TERT: variants seen among roughly 807,000 people sequenced by gnomAD.
TERT encodes the protein telomerase reverse transcriptase.
Under a neutral mutation model 104.0 loss-of-function variants are expected in TERT, and 42 were observed. The observed-to-expected ratio is 0.40, with a 90% CI of 0.32 to 0.52. The LOEUF is 0.52. TERT is among the 20% of genes least tolerant of loss of function. The pLI is 0.43. For synonymous variants in TERT, 781 were observed against 725.6 expected (o/e 1.08, Z -1.23); for missense variants, 1,101 against 1,610.3 (o/e 0.68, Z 5.41).
rs760246680 is a variant in TERT, at chr5:1,282,416, G to A, written c.1769+13C>T. Reference sequence around the variant, plus strand: ...ACTTCGAGAAGCAGAGGCCTGGCGTGGGGATACAGTACCTGATTCCAATGC... The same window carrying A: ...ACTTCGAGAAGCAGAGGCCTGGCGTAGGGATACAGTACCTGATTCCAATGC... On this transcript the variant is annotated intron_variant, in intron 3 of 15. Transcript: ENST00000310581. 33 of 1,612,310 alleles carry A rather than the reference G, an allele frequency of 2.0e-5. 1 individual carries two copies. The South Asian group carries it at 2.1e-4, about 10-fold the overall frequency.
chr5:1,271,073 C>A (rs749726251), intron 8 of TERT, 46 bp downstream of exon 8: 2 of 1,500,964 alleles, frequency 1.3e-6, no homozygotes, highest in Non-Finnish European at 1.9e-6. Context: ...CCCTGCCAGC[C>A]CGCCCAGCCA....
rs1162749272 is a variant in TERT at position 1,288,695 on chromosome 5, T to C, written c.1573+4618A>G. Among the ~76,000 whole-genome samples the C allele has an allele frequency of 6.6e-6, 1 of 152,156 alleles. No homozygotes were observed. The highest frequency in any genetic ancestry group is 1.5e-5 in the Non-Finnish European group (1 of 68,024). ...CCTTCAGGGCACAGAGAACCCTTTCTGGGATGTCTCCAGCAACACGTGGCA... is the reference window on the plus strand; with the variant it reads ...CCTTCAGGGCACAGAGAACCCTTTCCGGGATGTCTCCAGCAACACGTGGCA... On this transcript the variant is annotated intron_variant, in intron 2 of 15. Transcript: ENST00000310581. The surrounding 1 kb of genome is among the most constrained non-coding windows in gnomAD (Gnocchi z 5.3).
rs2126608677 is a variant in TERT, at chr5:1,268,996, T to G, written c.2469-363A>C. On this transcript the variant is annotated intron_variant, in intron 8 of 15. Coordinates refer to ENST00000310581, the MANE Select transcript of TERT (RefSeq NM_198253.3). This position sits in a 1 kb window ranked among gnomAD's most constrained non-coding sequence, Gnocchi z 5.5. ...ACTCCTTTTTTTTTTTTCAAGGAATTTGTCCACGGTGAAAGACTCATGACC... is the reference window on the plus strand; with the variant it reads ...ACTCCTTTTTTTTTTTTCAAGGAATGTGTCCACGGTGAAAGACTCATGACC... 6.6e-6 allele frequency among the ~76,000 whole-genome samples: 1 copy of G among 151,906 alleles called. No homozygotes were observed. Among genetic ancestry groups the G allele is most frequent in the East Asian group, 1.9e-4 (1 of 5,172 alleles).
chr5:1,273,174 G>A (rs112241212), intron 6 of TERT, among the ~76,000 whole-genome samples: 12 of 5,156 alleles, frequency 2.3e-3, no homozygotes, highest in South Asian at 0.015. Flanking sequence ...CCCCACGACC[G>A]CCATCCACAG....
At position 1,270,849 on chromosome 5, in the gene TERT, G is replaced by A. The variant is rs1272509903; in HGVS notation, c.2468+270C>T. Among the ~76,000 whole-genome samples, 1 of 152,162 alleles carries A rather than the reference G, an allele frequency of 6.6e-6. No homozygotes were observed. Among genetic ancestry groups the A allele is most frequent in the Non-Finnish European group, 1.5e-5 (1 of 68,032 alleles). ...GACCCAGACACACCCCCCGCCCCTCGTCCTCCACGCAGGAGCAACTCCACA... is the reference window on the plus strand; with the variant it reads ...GACCCAGACACACCCCCCGCCCCTCATCCTCCACGCAGGAGCAACTCCACA... On this transcript the variant is annotated intron_variant, in intron 8 of 15. Coordinates refer to ENST00000310581, the MANE Select transcript of TERT (RefSeq NM_198253.3). The surrounding 1 kb of genome is among the most constrained non-coding windows in gnomAD (Gnocchi z 8.3).
In TERT at chr5:1,262,649, C is replaced by T. The variant is rs971836101; in HGVS notation, c.2843+1755G>A. On this transcript the variant is annotated intron_variant, in intron 11 of 15. Transcript: ENST00000310581. The surrounding 1 kb of genome is among the most constrained non-coding windows in gnomAD (Gnocchi z 5.6). ...GAGCACAGAATATTCTGGCATTGGA[C>T]CCACATCTGATGACCTGATGCCCAC... Among the ~76,000 whole-genome samples, 1 of 152,290 alleles carries T rather than the reference C, an allele frequency of 6.6e-6. No individual in the cohort carries two copies. Among genetic ancestry groups the T allele is most frequent in the Non-Finnish European group, 1.5e-5 (1 of 68,026 alleles).
chr5:1,274,125 G>C lies in TERT; in HGVS notation c.2287-1845C>G, dbSNP rs187032338. Among the ~76,000 whole-genome samples, 1,653 of 152,320 alleles carry C rather than the reference G, an allele frequency of 0.011. 30 individuals are homozygous for C. Among genetic ancestry groups the C allele is most frequent in the African/African-American group, 0.038 (1,573 of 41,576 alleles). On this transcript the variant is annotated intron_variant, in intron 6 of 15. Transcript: ENST00000310581. The surrounding 1 kb of genome is among the most constrained non-coding windows in gnomAD (Gnocchi z 5.3). Reference sequence around the variant, plus strand: ...GCCTCGAGCTTGTGAGGCATCAAAAGACGCGCACGGTGACTCTGTGCTTCA... The same window carrying C: ...GCCTCGAGCTTGTGAGGCATCAAAACACGCGCACGGTGACTCTGTGCTTCA...
At chr5:1,272,559 G>GATCA (rs1561197984) in intron 6 of TERT, among the ~76,000 whole-genome samples, 5 of 101,058 alleles carry the variant, frequency 4.9e-5, no homozygotes, top group Non-Finnish European at 8.0e-5. Flanking sequence ...CCCCACGACC[G>GATCA]CCATCCACAG....
chr5:1,263,847 G>A lies in TERT; in HGVS notation c.2843+557C>T, dbSNP rs796559029. 2.0e-4 allele frequency among the ~76,000 whole-genome samples: 30 copies of A among 152,330 alleles called. No homozygotes were observed. The highest frequency in any genetic ancestry group is 7.0e-4 in the African/African-American group (29 of 41,574). On this transcript the variant is annotated intron_variant, in intron 11 of 15. Coordinates refer to ENST00000310581, the MANE Select transcript of TERT (RefSeq NM_198253.3). The surrounding 1 kb of genome is among the most constrained non-coding windows in gnomAD (Gnocchi z 5.3). The stretch of plus-strand genomic sequence containing the variant: ...GGAAACAAGACCCCAGAATTTTGTA[G>A]AGACCCCCCCCACACCATGGCCCTG...
At chr5:1,266,380 G>A (rs1481198240) in intron 10 of TERT, 84 bp downstream of exon 10, 18 of 1,189,362 alleles carry the variant, frequency 1.5e-5, no homozygotes, top group African/African-American at 9.1e-5. Context: ...ACAACGCTGC[G>A]GTGCCAGGGG....
intron 2 of TERT, among the ~76,000 whole-genome samples, chr5:1,291,349 A>G (rs796457985): frequency 1.5e-3 from 29 of 18,712 alleles, no homozygotes; most frequent in East Asian, 1.9e-3. Flanking sequence ...ACACCCGGGG[A>G]CCGCGCCTCA....
intron 9 of TERT, among the ~76,000 whole-genome samples, chr5:1,267,871 T>C (rs1030710857): frequency 6.6e-6 from 1 of 151,976 alleles, no homozygotes; most frequent in Non-Finnish European, 1.5e-5. Flanking sequence ...CATTAGGAGA[T>C]ATACCTAATG....
chr5:1,278,119 C>T (rs571787939), intron 6 of TERT, among the ~76,000 whole-genome samples: 7 of 152,208 alleles, frequency 4.6e-5, no homozygotes, highest in Non-Finnish European at 8.8e-5. Flanking sequence ...TCCTCTCAAA[C>T]CTGGCTTACA....
rs1285820513 is a variant in TERT, at chr5:1,282,552, A to G, written c.1646T>C (p.Met549Thr). 3.1e-6 allele frequency: 5 copies of G among 1,614,034 alleles called. No homozygotes were observed. Among genetic ancestry groups the G allele is most frequent in the Non-Finnish European group, 4.2e-6 (5 of 1,180,044 alleles). ...GAGCAGCTCGACGACGTACACACTCATCAGCCAGTGCAGGAACTTGGCCAG... is the reference window on the plus strand; with the variant it reads ...GAGCAGCTCGACGACGTACACACTCGTCAGCCAGTGCAGGAACTTGGCCAG... The part of the protein sequence containing the change: ...EILAKFLHWL[M>T]SVYVVELLRS... The change falls in exon 3 of 16, where the codon ATG (methionine) becomes ACG (threonine). Residue 549 changes from methionine to threonine, a missense_variant. This residue lies in a region of TERT where 504 missense variants were observed against 544.6 expected (regional missense o/e 0.93). Transcript: ENST00000310581.
Position 1,253,357 on chromosome 5 carries a change from A to C in TERT, c.*371T>G. The C allele has an allele frequency of 2.4e-6, 1 of 417,614 alleles. No individual in the cohort carries two copies. The highest frequency in any genetic ancestry group is 4.1e-5 in the East Asian group (1 of 24,182). 25.9% of individuals were successfully genotyped at this position (417,614 alleles called of 1,614,324 possible). On this transcript the variant is annotated 3_prime_UTR_variant, in exon 16 of 16. Coordinates refer to ENST00000310581, the MANE Select transcript of TERT (RefSeq NM_198253.3). ...GTCTCCACCTGGATGGTGGGGGTGG[A>C]AGGCAAAGGAGGGCAGGGCGAGGGG...
chr5:1,294,659 C>A lies in TERT; in HGVS notation c.227G>T (p.Cys76Phe), dbSNP rs1192287561. The change falls in exon 2 of 16, where the codon TGC becomes TTC. Residue 76 changes from cysteine (C) to phenylalanine (F), a missense_variant. Around this residue, in one of 5 missense-constraint regions of TERT, gnomAD observed 87 missense variants for 145.4 expected, o/e 0.60. Transcript: ENST00000310581. The part of the protein sequence containing the change: ...PAAPSFRQVS[C>F]LKELVARVLQ... ...CACTCGGGCCACCAGCTCCTTCAGG[C>A]AGGACACCTGCGGGGGAAGCGCCCT... 6.3e-7 allele frequency: 1 copy of A among 1,594,950 alleles called. No homozygotes were observed. Among genetic ancestry groups the A allele is most frequent in the Admixed American group, 1.7e-5 (1 of 59,718 alleles).
chr5:1,267,257 C>T (rs915128162), intron 9 of TERT, among the ~76,000 whole-genome samples: 2 of 152,234 alleles, frequency 1.3e-5, no homozygotes, highest in Admixed American at 6.5e-5. Flanking sequence ...AGAGAAATGG[C>T]TGTGTGGCCT....
At chr5:1,254,322 G>A (rs778822856) in intron 15 of TERT, 46 bp downstream of exon 15, 1 of 1,612,394 alleles carries the variant, frequency 6.2e-7, no homozygotes, top group Non-Finnish European at 8.5e-7. Context: ...GTTCAAGGAT[G>A]ACCCCTGGGC....
rs1259752272 is a variant in TERT, at chr5:1,294,292, T to C, written c.594A>G (p.Gly198=). Residue 198 remains glycine, a synonymous_variant, in exon 2 of 16, where the codon GGA becomes GGG. Transcript: ENST00000310581. ...CGCTATGGTTCCAGGCCCGTTCGCA[T>C]CCCAGACGCCTTCGGGGTCCACTAG... is the stretch of plus-strand genomic sequence containing the variant. ...PHASGPRRRL[G]CERAWNHSVR... 1 of 1,594,458 alleles carries C rather than the reference T, an allele frequency of 6.3e-7. No individual in the cohort carries two copies. Among genetic ancestry groups the C allele is most frequent in the Non-Finnish European group, 8.5e-7 (1 of 1,176,698 alleles).
Sources: gnomAD v4.1 joint callset for allele counts (sites outside exome capture counted in the v4.1 genomes callset) on GRCh38, gnomAD v4.1.1 for gene constraint, gnomAD v4.1.1 regional missense constraint, Gnocchi (gnomAD v3.1) non-coding constraint, MANE v1.5 for transcripts, NCBI Gene and HGNC (gene_info 2026-07-23, HGNC 2026-07-21) for gene names.